Variants in CIT observed in about 807,000 individuals in gnomAD.
CIT encodes citron rho-interacting serine/threonine kinase.
Under a neutral mutation model 272.7 loss-of-function variants are expected in CIT, and 79 were observed. That is an observed-to-expected ratio of 0.29 (90% CI 0.24 to 0.35). The LOEUF (loss-of-function observed/expected upper bound fraction) is 0.35, where lower values mean the gene tolerates loss of function less well. Ranked by LOEUF, CIT falls within the 10% of genes least tolerant of loss-of-function variation. The pLI, the probability that CIT is intolerant of heterozygous loss-of-function variation, is 1.00. For missense variants in CIT, 1,909 were observed against 2,618.3 expected, an observed-to-expected ratio of 0.73 and a Z score of 5.91; for synonymous variants, 948 against 995.6, an observed-to-expected ratio of 0.95 and a Z score of 0.90.
rs1273679573 is a variant in CIT, at chr12:119,776,270, T to C, written c.1887+88A>G. On this transcript the variant is annotated intron_variant, in intron 15 of 47. Transcript: ENST00000392521. ...GTCTCTATTCATTGATGAAGAATAC[T>C]CTTCATCAATGATGGGCCACTGATA... 5 of 990,866 alleles carry C rather than the reference T, an allele frequency of 5.0e-6. No individual in the cohort carries two copies. The South Asian group carries it at 5.3e-5, about 11-fold the overall frequency. The allele number at this position is 990,866 out of a possible 1,614,324, so 61.4% of individuals were successfully genotyped here.
chr12:119,846,476 T>C (rs1286327416), intron 5 of CIT, among the ~76,000 whole-genome samples: 1 of 152,194 alleles, frequency 6.6e-6, no homozygotes, highest in East Asian at 1.9e-4. Context: ...CAGAAAACTG[T>C]GGACTCTCAA....
chr12:119,695,728 G>C, intron 46 of CIT, among the ~76,000 whole-genome samples: 1 of 152,204 alleles, frequency 6.6e-6, no homozygotes, highest in African/African-American at 2.4e-5. Flanking sequence ...CCCAGAGGTC[G>C]AGGCTGCAGT....
chr12:119,787,105 C>T (rs1247989675), intron 10 of CIT, among the ~76,000 whole-genome samples: 1 of 152,102 alleles, frequency 6.6e-6, no homozygotes, highest in Non-Finnish European at 1.5e-5. Flanking sequence ...ACTGGAACTA[C>T]AGGCACGCAC....
intron 24 of CIT, among the ~76,000 whole-genome samples, chr12:119,740,008 G>A (rs943263428): frequency 2.6e-5 from 4 of 152,180 alleles, no homozygotes; most frequent in Non-Finnish European, 4.4e-5. Context: ...GATAATACAC[G>A]TAGGTTACTA....
chr12:119,855,136 C>G (rs925824076), intron 4 of CIT, among the ~76,000 whole-genome samples: 1 of 147,670 alleles, frequency 6.8e-6, no homozygotes, highest in Non-Finnish European at 1.5e-5. Flanking sequence ...ATAGTAGAAA[C>G]AGTCGGCCAG....
At chr12:119,875,695 T>C (rs1426336798) in intron 2 of CIT, among the ~76,000 whole-genome samples, 1 of 152,082 alleles carries the variant, frequency 6.6e-6, no homozygotes, top group Non-Finnish European at 1.5e-5. Context: ...GGTCCTATAA[T>C]AAAAGCAAGC....
At chr12:119,750,748 T>TATAG (rs6144898) in intron 23 of CIT, among the ~76,000 whole-genome samples, 12,908 of 147,866 alleles carry the variant, frequency 0.087, 598 homozygotes, top group East Asian at 0.14. Flanking sequence ...TATATATAGA[T>TATAG]ATAGATAGAT....
At chr12:119,776,294 T>C (rs1963737117) in intron 15 of CIT, 64 bp downstream of exon 15, 6 of 1,232,956 alleles carry the variant, frequency 4.9e-6, no homozygotes, top group South Asian at 4.8e-5. Flanking sequence ...GGGCCACTGA[T>C]AATAACATGA....
At chr12:119,767,230 G>T in intron 18 of CIT, 48 bp from the exon 19 acceptor site, 1 of 1,340,184 alleles carries the variant, frequency 7.5e-7, no homozygotes, top group Non-Finnish European at 1.0e-6. Context: ...GCAGGACACC[G>T]CCAATGCACG....
intron 44 of CIT, chr12:119,699,927 G>T (rs1486739936): frequency 1.8e-5 from 8 of 455,926 alleles, no homozygotes; most frequent in Non-Finnish European, 3.5e-5. Flanking sequence ...GTATGTGTAT[G>T]TGTGTTTAGT....
chr12:119,712,817 G>A lies in CIT; in HGVS notation c.4580-122C>T, dbSNP rs571989008. The A allele has an allele frequency of 1.6e-4, 119 of 736,260 alleles. No homozygotes were observed. The highest frequency in any genetic ancestry group is 1.1e-3 in the East Asian group (42 of 37,620). 45.6% of individuals were successfully genotyped at this position (736,260 alleles called of 1,614,324 possible). A position where few individuals can be genotyped will look rare whatever the true frequency, so the allele number is the denominator to read the frequency against. ...ACAGGGTACGTGTGTAAAGAGAGGC[G>A]CACGAGAACAAGGAAGGGACAGAGG... is the stretch of plus-strand genomic sequence containing the variant. On this transcript the variant is annotated intron_variant, in intron 35 of 47. Transcript: ENST00000392521. The surrounding 1 kb of genome is among the most constrained non-coding windows in gnomAD (Gnocchi z 5.2).
rs1968741834 is a variant in CIT, at chr12:119,832,851, C to G, written c.673G>C (p.Glu225Gln). ...MGYVHRDIKP[E>Q]NILVDRTGHI... ...CCTGTGCGGTCAACGAGAATGTTCT[C>G]AGGCTTGATGTCTCTGTAAGAAAAT... is the stretch of plus-strand genomic sequence containing the variant. The change falls in exon 7 of 48, where the codon GAG becomes CAG. Residue 225 changes from glutamate (E) to glutamine (Q), a missense_variant. Glu to Gln is a conservative substitution (Grantham distance 29, BLOSUM62 2). Transcript: ENST00000392521. 6.2e-7 allele frequency: 1 copy of G among 1,613,752 alleles called. No individual in the cohort carries two copies. Among genetic ancestry groups the G allele is most frequent in the Non-Finnish European group, 8.5e-7 (1 of 1,179,748 alleles).
chr12:119,845,615 T>G (rs1297864727), intron 5 of CIT, among the ~76,000 whole-genome samples: 1 of 143,578 alleles, frequency 7.0e-6, no homozygotes, highest in East Asian at 2.1e-4. Context: ...ATCCCGCCAC[T>G]GCACTCCAGC....
In CIT at chr12:119,718,973, T is replaced by G; in HGVS notation, c.3841-112A>C. The G allele has an allele frequency of 9.8e-7, 1 of 1,022,864 alleles. No individual in the cohort carries two copies. Among genetic ancestry groups the G allele is most frequent in the Non-Finnish European group, 1.4e-6 (1 of 690,450 alleles). The allele number at this position is 1,022,864 out of a possible 1,614,324, so 63.4% of individuals were successfully genotyped here. ...CCACAAAAGCCAGGAGCATACTCAC[T>G]GTAAGTGTATTTAGTAAAAATGGCA... On this transcript the variant is annotated intron_variant, in intron 30 of 47. Transcript: ENST00000392521. The surrounding 1 kb of genome is among the most constrained non-coding windows in gnomAD (Gnocchi z 4.8).
chr12:119,758,650 C>G lies in CIT; in HGVS notation c.2472G>C (p.Val824=). Residue 824 remains valine, a synonymous_variant, in exon 21 of 48, where the codon GTG becomes GTC. Transcript: ENST00000392521. ...CAAGTTTATTGGCTTCAGACAGTTC[C>G]ACAATCCTCTGTTCCAGGGATCTGA... The part of the protein sequence containing the change: ...SKIRSLEQRI[V]ELSEANKLAA... The G allele has an allele frequency of 1.2e-6, 2 of 1,613,994 alleles. No individual in the cohort carries two copies. Among genetic ancestry groups the G allele is most frequent in the Non-Finnish European group, 1.7e-6 (2 of 1,179,844 alleles).
intron 23 of CIT, among the ~76,000 whole-genome samples, chr12:119,751,289 AAGT>A (rs1461203661): frequency 6.6e-6 from 1 of 152,136 alleles, no homozygotes; most frequent in East Asian, 1.9e-4. Flanking sequence ...CCTTCAAGTT[AAGT>A]TGGCATTTCA....
Position 119,770,803 on chromosome 12 carries a change from C to G in CIT, c.2190G>C (p.Gln730His). The change falls in exon 18 of 48, where the codon CAG (glutamine) becomes CAC (histidine). Residue 730 changes from glutamine (Q) to histidine (H), a missense_variant. Around this residue, in one of 8 missense-constraint regions of CIT, gnomAD observed 530 missense variants for 822.4 expected, o/e 0.64. Coordinates refer to ENST00000392521, the MANE Select transcript of CIT (RefSeq NM_001206999.2). This position sits in a 1 kb window ranked among gnomAD's most constrained non-coding sequence, Gnocchi z 4.4. ...TGCTCACCAGAATTTTATCAGCCAT[C>G]TGCTGGATCTGTTGGGATTTTGTCT... Reference protein sequence around the residue: ...DIQTKSQQIQQMADKILELEE... With the variant: ...DIQTKSQQIQHMADKILELEE... 2.5e-6 allele frequency: 4 copies of G among 1,612,892 alleles called. No individual in the cohort carries two copies. Among genetic ancestry groups the G allele is most frequent in the Non-Finnish European group, 3.4e-6 (4 of 1,179,886 alleles).
chr12:119,829,700 CTT>C (rs1376221911), intron 7 of CIT, among the ~76,000 whole-genome samples: 1 of 152,210 alleles, frequency 6.6e-6, no homozygotes, highest in Non-Finnish European at 1.5e-5. Context: ...GTTCACCATT[CTT>C]TGAGATTCTA....
chr12:119,687,228 C>T lies in CIT; in HGVS notation c.*1004G>A, dbSNP rs1429120547. On this transcript the variant is annotated 3_prime_UTR_variant, in exon 48 of 48. Coordinates refer to ENST00000392521, the MANE Select transcript of CIT (RefSeq NM_001206999.2). ...GGCAGAGCAACCCAAGGGGGCAGCA[C>T]ATGCAGTGAACTGCCATGCAGAACT... 1.3e-5 allele frequency: 2 copies of T among 152,590 alleles called. No individual in the cohort carries two copies. The highest frequency in any genetic ancestry group is 3.8e-4 in the East Asian group (2 of 5,200). The allele number at this position is 152,590 out of a possible 1,614,324, so 9.5% of individuals were successfully genotyped here.
Sources: gnomAD v4.1 joint callset for allele counts (sites outside exome capture counted in the v4.1 genomes callset) on GRCh38, gnomAD v4.1.1 for gene constraint, gnomAD v4.1.1 regional missense constraint, Gnocchi (gnomAD v3.1) non-coding constraint, MANE v1.5 for transcripts, NCBI Gene and HGNC (gene_info 2026-07-23, HGNC 2026-07-21) for gene names.